The following TEC variants were observed in gnomAD, a reference collection of about 807,000 sequenced individuals.
TEC encodes tyrosine-protein kinase Tec.
TEC carries 72 observed loss-of-function variants against 93.0 expected under a neutral mutation model. The observed-to-expected ratio is 0.77, with a 90% CI of 0.64 to 0.94. The LOEUF is 0.94. Ranked by LOEUF, TEC falls within the 40% of genes least tolerant of loss-of-function variation. The probability of loss-of-function intolerance (pLI) is 0.00; values close to 1 mark genes in which losing one functional copy is unlikely to be tolerated. For synonymous variants in TEC, 249 were observed against 247.7 expected, an observed-to-expected ratio of 1.01 and a Z score of -0.05; for missense variants, 630 against 757.9, an observed-to-expected ratio of 0.83 and a Z score of 1.98.
intron 1 of TEC, among the ~76,000 whole-genome samples, chr4:48,236,926 T>C (rs1723801185): frequency 6.6e-6 from 1 of 152,244 alleles, no homozygotes. Context: ...TAATTTTTTA[T>C]GGATATGCCA....
chr4:48,176,768 A>G (rs1168111209), intron 2 of TEC, among the ~76,000 whole-genome samples: 1 of 152,074 alleles, frequency 6.6e-6, no homozygotes, highest in Non-Finnish European at 1.5e-5. Flanking sequence ...TTTCATTGCT[A>G]CCTGCCCCTG....
intron 1 of TEC, among the ~76,000 whole-genome samples, chr4:48,269,463 GT>G (rs760448285): frequency 7.6e-6 from 1 of 132,328 alleles, no homozygotes; most frequent in Non-Finnish European, 1.7e-5. Flanking sequence ...AAAGGGGCGG[GT>G]GTTCCTTAGG....
At chr4:48,192,712 A>T (rs1439834773) in intron 2 of TEC, among the ~76,000 whole-genome samples, 1 of 152,270 alleles carries the variant, frequency 6.6e-6, no homozygotes, top group Non-Finnish European at 1.5e-5. Flanking sequence ...GGCCAGAAGT[A>T]GGTAATTGAT....
At chr4:48,189,802 T>C (rs1722028265) in intron 2 of TEC, among the ~76,000 whole-genome samples, 3 of 152,236 alleles carry the variant, frequency 2.0e-5, no homozygotes. Context: ...GTGTGCCTGG[T>C]GCTGTCCTAT....
intron 1 of TEC, among the ~76,000 whole-genome samples, chr4:48,254,540 G>C (rs1171126717): frequency 6.6e-6 from 1 of 152,216 alleles, no homozygotes; most frequent in African/African-American, 2.4e-5. Context: ...TAGGAGGCTT[G>C]AGAGTACATA....
At chr4:48,234,861 A>G (rs1220518747) in intron 1 of TEC, among the ~76,000 whole-genome samples, 1 of 152,148 alleles carries the variant, frequency 6.6e-6, no homozygotes, top group Non-Finnish European at 1.5e-5. Flanking sequence ...ACCAATAAAT[A>G]ATATCTACAA....
intron 3 of TEC, among the ~76,000 whole-genome samples, chr4:48,174,879 A>G (rs1443115776): frequency 6.6e-6 from 1 of 152,228 alleles, no homozygotes; most frequent in Non-Finnish European, 1.5e-5. Context: ...ATTATATGTC[A>G]AAGCTATTTA....
At position 48,145,596 on chromosome 4, in the gene TEC, G is replaced by C; in HGVS notation, c.1082-17C>G. The C allele has an allele frequency of 6.2e-7, 1 of 1,611,736 alleles. No individual in the cohort carries two copies. Among genetic ancestry groups the C allele is most frequent in the African/African-American group, 1.3e-5 (1 of 74,940 alleles). ...CCCATTTCTCTGCAGGACAGAAAGT[G>C]AAAGTGTTCATATTTAAAAAGGAAA... On this transcript the variant is annotated splice_polypyrimidine_tract_variant and intron_variant, in intron 12 of 17. Transcript: ENST00000381501.
chr4:48,164,222 C>T (rs1432638527), intron 7 of TEC, among the ~76,000 whole-genome samples: 5 of 152,166 alleles, frequency 3.3e-5, no homozygotes, highest in Non-Finnish European at 7.3e-5. Flanking sequence ...AAATACCCAC[C>T]ACTCTAATAC....
At chr4:48,187,924 G>A (rs555851715) in intron 2 of TEC, among the ~76,000 whole-genome samples, 1 of 152,306 alleles carries the variant, frequency 6.6e-6, no homozygotes, top group African/African-American at 2.4e-5. Context: ...CTATGCTAGC[G>A]ATCTCTGATT....
intron 8 of TEC, among the ~76,000 whole-genome samples, chr4:48,162,863 G>T (rs1410906364): frequency 6.6e-6 from 1 of 152,058 alleles, no homozygotes; most frequent in Non-Finnish European, 1.5e-5. Context: ...GTTACAACTT[G>T]GCCACACACT....
chr4:48,157,140 T>C (rs902129049), intron 8 of TEC, among the ~76,000 whole-genome samples: 3 of 152,250 alleles, frequency 2.0e-5, no homozygotes, highest in African/African-American at 7.2e-5. Context: ...TTTTCACTAC[T>C]AGAATCATGG....
chr4:48,215,861 A>G (rs745386206), intron 2 of TEC, among the ~76,000 whole-genome samples: 72 of 152,218 alleles, frequency 4.7e-4, no homozygotes, highest in Non-Finnish European at 9.1e-4. Context: ...AGCATGATCC[A>G]GAAATATTCG....
chr4:48,249,582 A>G lies in TEC; in HGVS notation c.-46+20170T>C, dbSNP rs1364025621. On this transcript the variant is annotated intron_variant, in intron 1 of 17. Transcript: ENST00000381501. ...ATGGTGTACTTGGCTGAATGGCCCA[A>G]GGTAACAGGAAACAGTCCCAAAGAC... Among the ~76,000 whole-genome samples, 5 of 152,240 alleles carry G rather than the reference A, an allele frequency of 3.3e-5. No individual in the cohort carries two copies. In the East Asian group the frequency reaches 7.7e-4, roughly 23 times the overall value.
At position 48,171,480 on chromosome 4, in the gene TEC, A is replaced by G. The variant is rs750554891; in HGVS notation, c.244-31T>C. The G allele has an allele frequency of 2.5e-6, 4 of 1,586,352 alleles. No homozygotes were observed. In the Admixed American group the frequency reaches 6.7e-5, roughly 27 times the overall value. ...ATAAAACAAAAGATGGAATTGGTGA[A>G]GAGGACTTAGACACAGCACTTCTGT... On this transcript the variant is annotated intron_variant, in intron 3 of 17. Transcript: ENST00000381501.
At chr4:48,158,234 T>A (rs1720479969) in intron 8 of TEC, among the ~76,000 whole-genome samples, 1 of 152,174 alleles carries the variant, frequency 6.6e-6, no homozygotes, top group South Asian at 2.1e-4. Context: ...CAATACAAGA[T>A]CTTTTTCTGT....
At chr4:48,155,050 C>T (rs1720337430) in intron 9 of TEC, among the ~76,000 whole-genome samples, 1 of 152,146 alleles carries the variant, frequency 6.6e-6, no homozygotes, top group Non-Finnish European at 1.5e-5. Flanking sequence ...AACCTAAAGC[C>T]TTTTGCACAA....
chr4:48,178,010 G>A (rs552397590), intron 2 of TEC, among the ~76,000 whole-genome samples: 1 of 152,180 alleles, frequency 6.6e-6, no homozygotes, highest in African/African-American at 2.4e-5. Flanking sequence ...CCAGTCTTTG[G>A]TATGTCTTTA....
Position 48,228,646 on chromosome 4 carries a change from A to C in TEC, c.-32T>G. 6.2e-7 allele frequency: 1 copy of C among 1,604,690 alleles called. No individual in the cohort carries two copies. The highest frequency in any genetic ancestry group is 1.3e-5 in the African/African-American group (1 of 74,348). ...CTTCTGATTACTCCTCCTGCCACTGAAGATCCCAGTATTCTACAGTGAAAA... is the reference window on the plus strand; with the variant it reads ...CTTCTGATTACTCCTCCTGCCACTGCAGATCCCAGTATTCTACAGTGAAAA... On this transcript the variant is annotated 5_prime_UTR_variant, in exon 2 of 18. Transcript: ENST00000381501.
Sources: gnomAD v4.1 joint callset for allele counts (sites outside exome capture counted in the v4.1 genomes callset) on GRCh38, gnomAD v4.1.1 for gene constraint, MANE v1.5 for transcripts, NCBI Gene and HGNC (gene_info 2026-07-23, HGNC 2026-07-21) for gene names.